Variants in PHACTR1 observed in about 807,000 individuals in gnomAD.
The protein encoded by PHACTR1 is RPEL repeat containing 1.
PHACTR1 carries 16 observed loss-of-function variants against 69.2 expected under a neutral mutation model. That is an observed-to-expected ratio of 0.23 (90% CI 0.16 to 0.35). The LOEUF (loss-of-function observed/expected upper bound fraction) is 0.35. Among genes scored for constraint, PHACTR1 ranks in the 10% least tolerant of loss-of-function variants. PHACTR1 has a pLI of 1.00. For synonymous variants in PHACTR1, 312 were observed against 284.5 expected (o/e 1.10, Z -0.97); for missense variants, 510 against 734.7 (o/e 0.69, Z 3.54).
At chr6:12,871,246 G>A (rs931587346) in intron 4 of PHACTR1, among the ~76,000 whole-genome samples, 2 of 152,250 alleles carry the variant, frequency 1.3e-5, no homozygotes, top group East Asian at 1.9e-4. Context: ...TGGACTTTGG[G>A]ACATAAGTAT....
At chr6:13,053,622 C>A in intron 5 of PHACTR1, 93 bp downstream of exon 5, 5 of 1,401,200 alleles carry the variant, frequency 3.6e-6, no homozygotes, top group Admixed American at 5.1e-5. Context: ...GCTGTTTGAA[C>A]CAAAGGAGAA....
At chr6:12,817,081 T>C (rs560669475) in intron 4 of PHACTR1, among the ~76,000 whole-genome samples, 1 of 152,258 alleles carries the variant, frequency 6.6e-6, no homozygotes, top group Non-Finnish European at 1.5e-5. Flanking sequence ...ATGGTGGTAA[T>C]ATGGCTTCTT....
chr6:13,199,745 AATAGAATAAAAGATTTTATTTCTATAG>A, intron 7 of PHACTR1, among the ~76,000 whole-genome samples: 1 of 152,298 alleles, frequency 6.6e-6, no homozygotes, highest in Non-Finnish European at 1.5e-5. Context: ...TATAGATAGA[AATAGAATAAAAGATTTTATTTCTATAG>A]ATAGAAATAA....
intron 4 of PHACTR1, among the ~76,000 whole-genome samples, chr6:12,927,664 G>T (rs1788414108): frequency 6.6e-6 from 1 of 152,090 alleles, no homozygotes; most frequent in African/African-American, 2.4e-5. Context: ...AACAGCATAG[G>T]TACCATGCAT....
chr6:13,020,381 A>G (rs1213692421), intron 4 of PHACTR1, among the ~76,000 whole-genome samples: 2 of 152,202 alleles, frequency 1.3e-5, no homozygotes, highest in African/African-American at 4.8e-5. Context: ...GCCTACAGTG[A>G]ACTTACGTGT....
intron 8 of PHACTR1, among the ~76,000 whole-genome samples, chr6:13,219,322 C>A (rs1227899304): frequency 6.6e-6 from 1 of 152,142 alleles, no homozygotes; most frequent in Non-Finnish European, 1.5e-5. Context: ...AGTCCTCATC[C>A]TTGTGAGCTT....
rs114962953 is a variant in PHACTR1 at position 12,854,932 on chromosome 6, G to A, written c.250+105142G>A. ...TAGAGAAAAGGGAATATACGTTGTT[G>A]GTGGGAACGCAAATTAGTACAGCCC... On this transcript the variant is annotated intron_variant, in intron 4 of 14. Transcript: ENST00000332995. 3.8e-3 allele frequency among the ~76,000 whole-genome samples: 586 copies of A among 152,272 alleles called. 2 individuals carry two copies. The highest frequency in any genetic ancestry group is 0.014 in the African/African-American group (565 of 41,554).
intron 4 of PHACTR1, among the ~76,000 whole-genome samples, chr6:12,851,515 G>C (rs754457708): frequency 1.3e-5 from 2 of 152,114 alleles, no homozygotes; most frequent in Non-Finnish European, 2.9e-5. Context: ...GCAATAAAAG[G>C]TTCCATTTTA....
intron 7 of PHACTR1, among the ~76,000 whole-genome samples, chr6:13,198,532 A>G (rs776404685): frequency 2.0e-5 from 3 of 152,010 alleles, no homozygotes; most frequent in Non-Finnish European, 4.4e-5. Context: ...GGGGTGTCCA[A>G]CCTTTTGGCT....
intron 4 of PHACTR1, among the ~76,000 whole-genome samples, chr6:13,018,696 G>A (rs527316146): frequency 2.2e-4 from 34 of 152,190 alleles, no homozygotes; most frequent in Admixed American, 1.2e-3. Flanking sequence ...GTCAGACTGA[G>A]GACAGAGTGG....
intron 3 of PHACTR1, among the ~76,000 whole-genome samples, chr6:12,725,030 A>G (rs149972596): frequency 6.6e-5 from 10 of 152,220 alleles, no homozygotes; most frequent in African/African-American, 2.2e-4. Flanking sequence ...TGTCATCTAC[A>G]TTGTCTTGTT....
In PHACTR1 at chr6:12,798,496, T is replaced by A. The variant is rs142232860; in HGVS notation, c.250+48706T>A. 5.7e-3 allele frequency among the ~76,000 whole-genome samples: 862 copies of A among 152,326 alleles called. 13 individuals carry two copies. Among genetic ancestry groups the A allele is most frequent in the African/African-American group, 0.02 (823 of 41,574 alleles). On this transcript the variant is annotated intron_variant, in intron 4 of 14. Transcript: ENST00000332995. The stretch of plus-strand genomic sequence containing the variant: ...GGCATTCCAGACTCAAGGAACAGCC[T>A]AGACAGCACTACTTAAGTCTTAAGT...
intron 6 of PHACTR1, among the ~76,000 whole-genome samples, chr6:13,178,332 C>G (rs1561946944): frequency 6.6e-6 from 1 of 152,224 alleles, no homozygotes; most frequent in African/African-American, 2.4e-5. Context: ...GTTAGCCACA[C>G]AGCCAGCATT....
chr6:13,035,271 T>C (rs534692197), intron 4 of PHACTR1, among the ~76,000 whole-genome samples: 34 of 152,318 alleles, frequency 2.2e-4, no homozygotes, highest in African/African-American at 7.9e-4. Flanking sequence ...TCACATAAAT[T>C]AAATCCTAAC....
intron 4 of PHACTR1, among the ~76,000 whole-genome samples, chr6:12,771,996 A>C (rs1187058156): frequency 6.6e-6 from 1 of 152,204 alleles, no homozygotes; most frequent in Non-Finnish European, 1.5e-5. Context: ...ATGTTCTTTC[A>C]GCCAAGCCGT....
At chr6:12,774,828 G>C (rs769243028) in intron 4 of PHACTR1, among the ~76,000 whole-genome samples, 4 of 152,314 alleles carry the variant, frequency 2.6e-5, no homozygotes, top group Non-Finnish European at 5.9e-5. Flanking sequence ...AAAGGGTATA[G>C]AAGCAAGAGG....
rs989684056 is a variant in PHACTR1, at chr6:12,909,955, C to T, written c.251-143410C>T. Reference sequence around the variant, plus strand: ...GCCCCACATTCGAAGATCCCAGTTGCCTTCAGTATCTGTCCAGCCCTGCCC... The same window carrying T: ...GCCCCACATTCGAAGATCCCAGTTGTCTTCAGTATCTGTCCAGCCCTGCCC... On this transcript the variant is annotated intron_variant, in intron 4 of 14. Transcript: ENST00000332995. Among the ~76,000 whole-genome samples the T allele has an allele frequency of 1.1e-4, 17 of 152,236 alleles. 1 individual carries two copies. The highest frequency in any genetic ancestry group is 1.8e-4 in the Non-Finnish European group (12 of 68,046).
intron 7 of PHACTR1, among the ~76,000 whole-genome samples, chr6:13,195,757 C>CAAAA (rs869092852): frequency 0.015 from 609 of 41,446 alleles, 89 homozygotes; most frequent in African/African-American, 0.042. Context: ...GACACCGTCT[C>CAAAA]AAAAAAAAAA....
intron 4 of PHACTR1, among the ~76,000 whole-genome samples, chr6:12,765,103 C>T (rs1306392579): frequency 1.3e-5 from 2 of 152,124 alleles, no homozygotes; most frequent in East Asian, 3.8e-4. Flanking sequence ...GTAGTCAATG[C>T]TTTATAAGCA....
Sources: allele counts gnomAD v4.1 joint callset (sites outside exome capture counted in the v4.1 genomes callset), GRCh38; gene constraint gnomAD v4.1.1; transcripts MANE v1.5; gene names NCBI Gene and HGNC (gene_info 2026-07-23, HGNC 2026-07-21).